Variants in PTPRK observed in about 807,000 individuals in gnomAD.
The protein encoded by PTPRK is receptor-type tyrosine-protein phosphatase kappa.
PTPRK carries 75 observed loss-of-function variants against 178.0 expected under a neutral mutation model. The observed-to-expected ratio is 0.42, with a 90% CI of 0.35 to 0.51. The LOEUF (loss-of-function observed/expected upper bound fraction) is 0.51. Among genes scored for constraint, PTPRK ranks in the 20% least tolerant of loss-of-function variants. The pLI, the probability that PTPRK is intolerant of heterozygous loss-of-function variation, is 0.02. For synonymous variants in PTPRK, 637 were observed against 620.6 expected (o/e 1.03, Z -0.39); for missense variants, 1,441 against 1,797.8 (o/e 0.80, Z 3.59).
At chr6:128,178,326 G>A (rs528054611) in intron 7 of PTPRK, among the ~76,000 whole-genome samples, 53 of 151,792 alleles carry the variant, frequency 3.5e-4, no homozygotes, top group Admixed American at 1.3e-3. Context: ...TGCGTGTGGC[G>A]ATGTGTACAA....
chr6:128,279,944 T>C (rs1470292077), intron 3 of PTPRK, among the ~76,000 whole-genome samples: 1 of 152,184 alleles, frequency 6.6e-6, no homozygotes, highest in Non-Finnish European at 1.5e-5. Flanking sequence ...GTAAAGTCTT[T>C]GTTAATCACT....
intron 14 of PTPRK, 28 bp downstream of exon 14, chr6:128,009,101 GA>G: frequency 6.3e-7 from 1 of 1,578,758 alleles, no homozygotes; most frequent in Non-Finnish European, 8.6e-7. Flanking sequence ...AATGGTAAGT[GA>G]GTGGGACAGG....
intron 7 of PTPRK, among the ~76,000 whole-genome samples, chr6:128,133,261 C>T (rs945197193): frequency 3.3e-5 from 5 of 152,016 alleles, no homozygotes; most frequent in African/African-American, 7.3e-5. Context: ...ATCCTGACAA[C>T]GGATATCTAC....
chr6:128,027,612 C>G (rs905717942), intron 13 of PTPRK, among the ~76,000 whole-genome samples: 1 of 150,572 alleles, frequency 6.6e-6, no homozygotes, highest in South Asian at 2.1e-4. Flanking sequence ...TTTTTTTTTC[C>G]TTTGAGACAG....
At chr6:128,426,016 A>T (rs991261954) in intron 1 of PTPRK, among the ~76,000 whole-genome samples, 6 of 152,228 alleles carry the variant, frequency 3.9e-5, no homozygotes, top group African/African-American at 1.4e-4. Context: ...AATTTCCAGG[A>T]GGCAGATATA....
intron 2 of PTPRK, among the ~76,000 whole-genome samples, chr6:128,349,561 T>C (rs1832848023): frequency 6.6e-6 from 1 of 151,414 alleles, no homozygotes; most frequent in African/African-American, 2.4e-5. Flanking sequence ...CCACCTTAGT[T>C]AAAAAACAAG....
At chr6:128,191,898 G>T (rs972679804) in intron 6 of PTPRK, among the ~76,000 whole-genome samples, 1 of 151,858 alleles carries the variant, frequency 6.6e-6, no homozygotes, top group Non-Finnish European at 1.5e-5. Flanking sequence ...TTTTGAGGAG[G>T]AGAGTGCAAG....
At chr6:128,018,825 A>T (rs1211045195) in intron 13 of PTPRK, among the ~76,000 whole-genome samples, 1 of 151,786 alleles carries the variant, frequency 6.6e-6, no homozygotes, top group Non-Finnish European at 1.5e-5. Context: ...CTACTTTCTA[A>T]AAAAAACAGA....
intron 3 of PTPRK, among the ~76,000 whole-genome samples, chr6:128,282,083 G>C (rs1470214084): frequency 1.3e-5 from 2 of 152,128 alleles, no homozygotes; most frequent in Non-Finnish European, 2.9e-5. Flanking sequence ...TTTTTCCCCA[G>C]TGAATCCATA....
chr6:128,217,982 A>C (rs1346247539), intron 6 of PTPRK, among the ~76,000 whole-genome samples: 1 of 152,184 alleles, frequency 6.6e-6, no homozygotes, highest in Non-Finnish European at 1.5e-5. Context: ...CTTTACCTCT[A>C]GATTTTCATA....
intron 1 of PTPRK, among the ~76,000 whole-genome samples, chr6:128,489,837 G>A (rs117664789): frequency 0.011 from 1,700 of 152,224 alleles, 20 homozygotes; most frequent in Admixed American, 0.021. Flanking sequence ...CAACCCTAAT[G>A]TAGATATGTA....
chr6:128,302,392 A>C (rs950315037), intron 3 of PTPRK, among the ~76,000 whole-genome samples: 3 of 94,512 alleles, frequency 3.2e-5, no homozygotes, highest in South Asian at 2.8e-4. Context: ...ACTCAATTCC[A>C]AAAAAAAAAA....
intron 1 of PTPRK, among the ~76,000 whole-genome samples, chr6:128,428,484 C>A (rs1261956456): frequency 6.6e-6 from 1 of 152,174 alleles, no homozygotes; most frequent in Non-Finnish European, 1.5e-5. Context: ...AGTCTACGTT[C>A]CACAAGCAAT....
At chr6:128,226,939 G>A (rs1228790831) in intron 5 of PTPRK, among the ~76,000 whole-genome samples, 1 of 151,618 alleles carries the variant, frequency 6.6e-6, no homozygotes, top group East Asian at 1.9e-4. Flanking sequence ...TTCTGATTCT[G>A]GGTTTACTGA....
rs142227249 is a variant in PTPRK at position 128,023,324 on chromosome 6, C to T, written c.2195-14056G>A. Among the ~76,000 whole-genome samples the T allele has an allele frequency of 3.7e-3, 571 of 152,272 alleles. 3 individuals carry two copies. Among genetic ancestry groups the T allele is most frequent in the African/African-American group, 0.012 (507 of 41,554 alleles). On this transcript the variant is annotated intron_variant, in intron 13 of 29. Transcript: ENST00000368226. ...GTGAAATGACAGAAATCATTTTCTA[C>T]GCATAAATCACTTCTGATCTTAAAT...
At chr6:128,263,121 G>A (rs1818429023) in intron 3 of PTPRK, among the ~76,000 whole-genome samples, 1 of 152,062 alleles carries the variant, frequency 6.6e-6, no homozygotes, top group Non-Finnish European at 1.5e-5. Flanking sequence ...CAAACACAAG[G>A]AAGACTGTAG....
intron 3 of PTPRK, among the ~76,000 whole-genome samples, chr6:128,255,520 T>C (rs911545041): frequency 1.3e-5 from 2 of 152,220 alleles, no homozygotes; most frequent in African/African-American, 4.8e-5. Context: ...GCCACTCAAA[T>C]GATTTTAGAT....
intron 2 of PTPRK, among the ~76,000 whole-genome samples, chr6:128,348,023 G>C (rs1832644181): frequency 6.6e-6 from 1 of 151,968 alleles, no homozygotes; most frequent in South Asian, 2.1e-4. Flanking sequence ...GACAAAAAAA[G>C]TTAAGATATG....
At position 128,088,736 on chromosome 6, in the gene PTPRK, A is replaced by T. The variant is rs185387871; in HGVS notation, c.1465+954T>A. Reference sequence around the variant, plus strand: ...ACAGGTATGTGAACATTAAAATACTAATATAAATATTTGTTCATATTATTT... The same window carrying T: ...ACAGGTATGTGAACATTAAAATACTTATATAAATATTTGTTCATATTATTT... On this transcript the variant is annotated intron_variant, in intron 8 of 29. Transcript: ENST00000368226. Among the ~76,000 whole-genome samples, 616 of 152,334 alleles carry T rather than the reference A, an allele frequency of 4.0e-3. 1 individual carries two copies. Among genetic ancestry groups the T allele is most frequent in the Non-Finnish European group, 4.2e-3 (289 of 68,024 alleles).
Sources: gnomAD v4.1 joint callset for allele counts (sites outside exome capture counted in the v4.1 genomes callset) on GRCh38, gnomAD v4.1.1 for gene constraint, MANE v1.5 for transcripts, NCBI Gene and HGNC (gene_info 2026-07-23, HGNC 2026-07-21) for gene names.